RPH3A: variants seen among roughly 807,000 people sequenced by gnomAD.
RPH3A encodes rabphilin-3A.
RPH3A carries 48 observed loss-of-function variants against 102.2 expected under a neutral mutation model. The ratio of observed to expected loss-of-function variants is 0.47; its 90% CI spans 0.37 to 0.60. The LOEUF (loss-of-function observed/expected upper bound fraction) is 0.60, where lower values mean the gene tolerates loss of function less well. Ranked by LOEUF, RPH3A falls within the 20% of genes least tolerant of loss-of-function variation. RPH3A has a pLI of 0.00. For missense variants in RPH3A, 781 were observed against 910.1 expected, an observed-to-expected ratio of 0.86 and a Z score of 1.83; for synonymous variants, 310 against 324.3, an observed-to-expected ratio of 0.96 and a Z score of 0.47.
intron 14 of RPH3A, among the ~76,000 whole-genome samples, chr12:112,879,894 A>T (rs1467153357): frequency 1.3e-5 from 2 of 152,142 alleles, no homozygotes; most frequent in Non-Finnish European, 2.9e-5. Flanking sequence ...GACTTGGGAG[A>T]AGTGACTTAA....
chr12:112,712,879 T>TTTC (rs374301306), intron 1 of RPH3A, among the ~76,000 whole-genome samples: 1,537 of 136,474 alleles, frequency 0.011, 87 homozygotes, highest in African/African-American at 0.042. Flanking sequence ...CTCACTTTTT[T>TTTC]TTCTTCTTCT....
intron 1 of RPH3A, among the ~76,000 whole-genome samples, chr12:112,720,671 C>CAT (rs1287697339): frequency 1.3e-5 from 2 of 152,162 alleles, no homozygotes; most frequent in African/African-American, 4.8e-5. Context: ...ACTAGTAGGC[C>CAT]ATACAAGGCA....
chr12:112,630,749 C>T (rs2039798212), intron 1 of RPH3A, among the ~76,000 whole-genome samples: 1 of 152,198 alleles, frequency 6.6e-6, no homozygotes, highest in African/African-American at 2.4e-5. Flanking sequence ...CTGCTCAATA[C>T]ATAATCGTTA....
chr12:112,820,165 T>C (rs12581345), intron 2 of RPH3A, among the ~76,000 whole-genome samples: 24,767 of 152,160 alleles, frequency 0.16, 2,528 homozygotes, highest in African/African-American at 0.28. Context: ...TGGAGGAAAT[T>C]TGGAGCACCG....
chr12:112,692,866 A>G (rs2040317294), intron 1 of RPH3A, among the ~76,000 whole-genome samples: 2 of 152,206 alleles, frequency 1.3e-5, no homozygotes, highest in South Asian at 4.1e-4. Flanking sequence ...CATGAAGACA[A>G]GTTGATATCC....
chr12:112,633,012 G>T (rs1056450490), intron 1 of RPH3A, among the ~76,000 whole-genome samples: 1 of 151,818 alleles, frequency 6.6e-6, no homozygotes, highest in African/African-American at 2.4e-5. Context: ...GGGAAACATA[G>T]TGAGACCCTG....
chr12:112,852,251 G>T (rs756606495), intron 5 of RPH3A, among the ~76,000 whole-genome samples: 3 of 152,202 alleles, frequency 2.0e-5, no homozygotes, highest in East Asian at 1.9e-4. Context: ...AGGGAGCAAA[G>T]ATAGGTGTTG....
intron 1 of RPH3A, among the ~76,000 whole-genome samples, chr12:112,765,111 T>G (rs2040879161): frequency 6.6e-6 from 1 of 152,176 alleles, no homozygotes. Flanking sequence ...TCACTAAAAG[T>G]TCTCCATTCA....
intron 1 of RPH3A, among the ~76,000 whole-genome samples, chr12:112,733,879 G>A (rs908764876): frequency 1.3e-5 from 2 of 152,150 alleles, no homozygotes; most frequent in African/African-American, 4.8e-5. Context: ...GCAAAGAATA[G>A]GAGAGTGTAA....
chr12:112,649,251 C>G (rs2039956973), intron 1 of RPH3A, among the ~76,000 whole-genome samples: 1 of 152,230 alleles, frequency 6.6e-6, no homozygotes, highest in South Asian at 2.1e-4. Flanking sequence ...CGTGTCCATT[C>G]ATCTTGGAGA....
intron 1 of RPH3A, among the ~76,000 whole-genome samples, chr12:112,763,073 C>T (rs1294801718): frequency 1.3e-5 from 2 of 152,190 alleles, no homozygotes; most frequent in Non-Finnish European, 2.9e-5. Context: ...TAAGATGAAA[C>T]TCTGATGTCA....
intron 5 of RPH3A, among the ~76,000 whole-genome samples, chr12:112,855,211 C>A (rs1399241076): frequency 1.3e-5 from 2 of 152,192 alleles, no homozygotes; most frequent in Non-Finnish European, 2.9e-5. Context: ...CAAGTGAGTT[C>A]CCATCTGTGT....
chr12:112,863,182 G>A lies in RPH3A; in HGVS notation c.231-2232G>A, dbSNP rs114576762. On this transcript the variant is annotated intron_variant, in intron 5 of 21. Transcript: ENST00000389385. ...TGTGCCACCACCTGGGAGCTTTCTA[G>A]AAATGTAGCACCTCAGGCCCCACCT... Among the ~76,000 whole-genome samples the A allele has an allele frequency of 8.8e-3, 1,338 of 152,358 alleles. 19 individuals are homozygous for A. The highest frequency in any genetic ancestry group is 0.024 in the African/African-American group (1,015 of 41,580).
At chr12:112,825,553 CCT>C (rs2041853417) in intron 2 of RPH3A, among the ~76,000 whole-genome samples, 1 of 152,004 alleles carries the variant, frequency 6.6e-6, no homozygotes, top group South Asian at 2.1e-4. Flanking sequence ...CTTGGTGGGA[CCT>C]TCAGAGGGGT....
In RPH3A at chr12:112,614,390, G is replaced by A. The variant is rs75885669; in HGVS notation, c.-140+39071G>A. 7.7e-3 allele frequency among the ~76,000 whole-genome samples: 1,170 copies of A among 151,858 alleles called. 11 individuals are homozygous for A. Among genetic ancestry groups the A allele is most frequent in the African/African-American group, 0.027 (1,112 of 41,416 alleles). On this transcript the variant is annotated intron_variant, in intron 1 of 21. Coordinates refer to the RPH3A transcript ENST00000543106. ...TGGAGATAAAAGTTGATGCATATAA[G>A]ATCCTTTGTGGGGCTGGGCATGGTG... is the stretch of plus-strand genomic sequence containing the variant.
Position 112,662,765 on chromosome 12 carries a change from C to CAA in RPH3A, c.-140+87459_-140+87460dup, listed in dbSNP as rs111751138. On this transcript the variant is annotated intron_variant, in intron 1 of 21. Coordinates refer to the RPH3A transcript ENST00000543106. ...CTGTATTCCAATAAAACTTTGCTTA[C>CAA]AAAAAAAAAAAAAACAGGTAGCAGG... Among the ~76,000 whole-genome samples the CAA allele has an allele frequency of 9.1e-3, 1,036 of 113,490 alleles. 14 individuals carry two copies. The highest frequency in any genetic ancestry group is 0.027 in the African/African-American group (958 of 35,210). 74.5% of individuals were successfully genotyped at this position (113,490 alleles called of 152,430 possible).
intron 1 of RPH3A, among the ~76,000 whole-genome samples, chr12:112,594,220 G>A (rs1252111162): frequency 1.3e-5 from 2 of 152,068 alleles, no homozygotes; most frequent in Non-Finnish European, 2.9e-5. Flanking sequence ...TTTGGCTCTA[G>A]CATTCCACAA....
chr12:112,815,936 G>C (rs1463071558), intron 2 of RPH3A, among the ~76,000 whole-genome samples: 2 of 152,180 alleles, frequency 1.3e-5, no homozygotes, highest in Non-Finnish European at 2.9e-5. Context: ...GTAATTGGCT[G>C]GACCATGCAG....
intron 2 of RPH3A, among the ~76,000 whole-genome samples, chr12:112,827,406 A>T (rs1326053813): frequency 6.6e-6 from 1 of 152,228 alleles, no homozygotes. Flanking sequence ...TTTATGGCAG[A>T]ATAATGCTAC....
Sources: gnomAD v4.1 joint callset for allele counts (sites outside exome capture counted in the v4.1 genomes callset) on GRCh38, gnomAD v4.1.1 for gene constraint, MANE v1.5 for transcripts, NCBI Gene and HGNC (gene_info 2026-07-23, HGNC 2026-07-21) for gene names.